Variants in PSD3 observed in about 807,000 individuals in gnomAD.
PSD3 encodes PH and SEC7 domain-containing protein 3.
Under a neutral mutation model 105.5 loss-of-function variants are expected in PSD3, and 49 were observed. The observed-to-expected ratio is 0.46, with a 90% CI of 0.37 to 0.59. PSD3 has a LOEUF of 0.59. PSD3 is among the 20% of genes least tolerant of loss of function. PSD3 has a pLI of 0.00. For missense variants in PSD3, 1,561 were observed against 1,263.8 expected, an observed-to-expected ratio of 1.24 and a Z score of -3.57; for synonymous variants, 557 against 457.8, an observed-to-expected ratio of 1.22 and a Z score of -2.77.
chr8:18,925,489 C>T (rs1821303307), intron 2 of PSD3, among the ~76,000 whole-genome samples: 1 of 151,852 alleles, frequency 6.6e-6, no homozygotes, highest in South Asian at 2.1e-4. Context: ...TCTGAATAGA[C>T]ATTTCTCTAA....
In PSD3 at chr8:18,661,990, AT is replaced by A. The variant is rs112422059; in HGVS notation, c.2173-6306del. 2.4e-3 allele frequency among the ~76,000 whole-genome samples: 353 copies of A among 147,460 alleles called. 3 individuals are homozygous for A. The highest frequency in any genetic ancestry group is 9.9e-3 in the East Asian group (50 of 5,066). ...ATTTAGGGTAATAGAACATGCTTGA[AT>A]TTTTTTTTTTTCACTTCTATGGTAA... is the stretch of plus-strand genomic sequence containing the variant. On this transcript the variant is annotated intron_variant, in intron 9 of 15. Transcript: ENST00000327040.
At chr8:18,609,406 T>C (rs1344027354) in intron 11 of PSD3, among the ~76,000 whole-genome samples, 1 of 152,234 alleles carries the variant, frequency 6.6e-6, no homozygotes, top group East Asian at 1.9e-4. Context: ...ATGATGGCAT[T>C]CCAAAATAAA....
chr8:19,084,561 A>C (rs1338138025), exon 1 of PSD3: 1 of 379,480 alleles, frequency 2.6e-6, no homozygotes, highest in Non-Finnish European at 5.3e-6. Flanking sequence ...CCTCCATGCC[A>C]GGGGCTGTAG....
chr8:18,752,503 TATATATAATATATGTAATATATATA>T (rs1805592658), intron 9 of PSD3, among the ~76,000 whole-genome samples: 7 of 75,480 alleles, frequency 9.3e-5, no homozygotes, highest in Non-Finnish European at 1.6e-4. Flanking sequence ...ATATATATAA[TATATATAATATATGTAATATATATA>T]ATTATATATT....
At chr8:18,658,471 G>A (rs1003300226) in intron 9 of PSD3, among the ~76,000 whole-genome samples, 6 of 151,226 alleles carry the variant, frequency 4.0e-5, no homozygotes, top group Admixed American at 6.6e-5. Flanking sequence ...TAGTATCTTC[G>A]ATTTCTTTGT....
At chr8:18,971,419 T>C (rs1021507876) in intron 1 of PSD3, among the ~76,000 whole-genome samples, 1 of 152,094 alleles carries the variant, frequency 6.6e-6, no homozygotes, top group Non-Finnish European at 1.5e-5. Flanking sequence ...ATGAGGACAA[T>C]ACCCCATCAA....
chr8:19,032,497 A>G (rs554113567), intron 1 of PSD3, among the ~76,000 whole-genome samples: 1 of 152,074 alleles, frequency 6.6e-6, no homozygotes, highest in South Asian at 2.1e-4. Context: ...GAAAATAAAT[A>G]AAATTAGCCA....
At chr8:18,576,600 G>A (rs1168426944) in intron 12 of PSD3, among the ~76,000 whole-genome samples, 1 of 151,916 alleles carries the variant, frequency 6.6e-6, no homozygotes, top group Non-Finnish European at 1.5e-5. Context: ...CTCCTTCCAG[G>A]GAAATTTTCA....
intron 11 of PSD3, among the ~76,000 whole-genome samples, chr8:18,625,211 C>G (rs1261091213): frequency 6.8e-6 from 1 of 146,608 alleles, no homozygotes; most frequent in Admixed American, 6.9e-5. Context: ...CACACACACA[C>G]ACACACACTT....
chr8:18,815,627 TACG>T (rs1812153805), intron 4 of PSD3, among the ~76,000 whole-genome samples: 2 of 152,146 alleles, frequency 1.3e-5, no homozygotes, highest in African/African-American at 4.8e-5. Flanking sequence ...TTCAAATTCT[TACG>T]ACACCTTTTC....
intron 9 of PSD3, among the ~76,000 whole-genome samples, chr8:18,677,450 C>T (rs928056855): frequency 1.3e-5 from 2 of 152,056 alleles, no homozygotes; most frequent in East Asian, 3.9e-4. Flanking sequence ...TGTGGTGGTG[C>T]ATGAGAATTG....
At chr8:18,832,479 A>G (rs970410464) in intron 4 of PSD3, among the ~76,000 whole-genome samples, 2 of 152,178 alleles carry the variant, frequency 1.3e-5, no homozygotes, top group African/African-American at 2.4e-5. Flanking sequence ...CTACGCCGCT[A>G]CTTCTGCCAA....
At chr8:18,846,080 T>C (rs1290987469) in intron 4 of PSD3, among the ~76,000 whole-genome samples, 2 of 152,176 alleles carry the variant, frequency 1.3e-5, no homozygotes, top group Non-Finnish European at 2.9e-5. Context: ...GACTATAAAG[T>C]TACCCTGTGG....
intron 15 of PSD3, among the ~76,000 whole-genome samples, chr8:18,550,669 G>A (rs1321993946): frequency 6.6e-6 from 1 of 152,002 alleles, no homozygotes; most frequent in Non-Finnish European, 1.5e-5. Flanking sequence ...ATAAAATATT[G>A]AATACCTCAC....
intron 2 of PSD3, among the ~76,000 whole-genome samples, chr8:18,912,476 G>GA (rs1271664831): frequency 4.6e-5 from 7 of 151,832 alleles, no homozygotes; most frequent in African/African-American, 9.7e-5. Flanking sequence ...CTTTCAGAAG[G>GA]AAAAAAATAT....
chr8:18,807,570 T>G (rs1811312521), intron 4 of PSD3, among the ~76,000 whole-genome samples: 1 of 152,152 alleles, frequency 6.6e-6, no homozygotes, highest in Admixed American at 6.6e-5. Context: ...TTAATGGTAA[T>G]AGTTCAGTTA....
chr8:18,949,552 C>T (rs1266069054), intron 1 of PSD3, among the ~76,000 whole-genome samples: 1 of 151,898 alleles, frequency 6.6e-6, no homozygotes, highest in African/African-American at 2.4e-5. Flanking sequence ...AGGTAAATAT[C>T]TCCAAGCAAA....
chr8:19,058,091 A>T (rs1038320111), intron 1 of PSD3, among the ~76,000 whole-genome samples: 2 of 152,226 alleles, frequency 1.3e-5, no homozygotes, highest in Non-Finnish European at 2.9e-5. Flanking sequence ...TGTAAGTGGA[A>T]TATTCAGTAG....
chr8:18,655,049 C>T (rs1378298598), intron 10 of PSD3, among the ~76,000 whole-genome samples: 7 of 151,990 alleles, frequency 4.6e-5, no homozygotes, highest in Admixed American at 6.6e-5. Flanking sequence ...TAAGGCCGGG[C>T]GTGGTCGCTC....
Sources: allele counts gnomAD v4.1 joint callset (sites outside exome capture counted in the v4.1 genomes callset), GRCh38; gene constraint gnomAD v4.1.1; transcripts MANE v1.5; gene names NCBI Gene and HGNC (gene_info 2026-07-23, HGNC 2026-07-21).